BICD2: variants seen among roughly 807,000 people sequenced by gnomAD.
The protein encoded by BICD2 is BICD cargo adaptor 2, also known as protein bicaudal D homolog 2.
In BICD2, 25 loss-of-function variants were observed where a neutral mutation model predicts 72.9. That is an observed-to-expected ratio of 0.34 (90% confidence interval 0.25 to 0.48). BICD2 has a LOEUF of 0.48. BICD2 is among the 20% of genes least tolerant of loss of function. The pLI is 0.99. For missense variants in BICD2, 894 were observed against 1,175.2 expected (o/e 0.76, Z 3.50); for synonymous variants, 501 against 516.1 (o/e 0.97, Z 0.40).
Position 92,720,829 on chromosome 9 carries a change from C to G in BICD2, c.607-74G>C. ...TTTCAGGCCCCATAAATGAAGAAAA[C>G]ACACCAGCACACCAACTCCGGCCAC... On this transcript the variant is annotated intron_variant, in intron 3 of 6. Transcript: ENST00000356884. The surrounding 1 kb of genome is among the most constrained non-coding windows in gnomAD (Gnocchi z 5.4). 1 of 1,423,280 alleles carries G rather than the reference C, an allele frequency of 7.0e-7. No homozygotes were observed. The highest frequency in any genetic ancestry group is 1.4e-5 in the African/African-American group (1 of 70,180). 88.2% of individuals were successfully genotyped at this position (1,423,280 alleles called of 1,614,324 possible).
intron 1 of BICD2, among the ~76,000 whole-genome samples, chr9:92,742,833 C>T (rs1424500095): frequency 1.3e-5 from 2 of 152,182 alleles, no homozygotes; most frequent in Non-Finnish European, 2.9e-5. Flanking sequence ...TGTGACTGGC[C>T]TCTTCACTAA....
Position 92,720,498 on chromosome 9 carries a change from A to T in BICD2, c.864T>A (p.Asp288Glu), listed in dbSNP as rs1213166404. Residue 288 changes from aspartate to glutamate, a missense_variant, in exon 4 of 7, where the codon GAT becomes GAA. By Grantham distance (45) the Asp-to-Glu change is conservative. Transcript: ENST00000356884. The surrounding 1 kb of genome is among the most constrained non-coding windows in gnomAD (Gnocchi z 5.4). ...CGGCATCGTTGTTGGGCTCGGCAGCATCGTCACTGAACTTGAGGCCATCCA... is the reference window on the plus strand; with the variant it reads ...CGGCATCGTTGTTGGGCTCGGCAGCTTCGTCACTGAACTTGAGGCCATCCA... ...VSLDGLKFSD[D>E]AAEPNNDAEA... 6.2e-7 allele frequency: 1 copy of T among 1,614,212 alleles called. No homozygotes were observed. The highest frequency in any genetic ancestry group is 1.7e-5 in the Admixed American group (1 of 60,026).
intron 1 of BICD2, among the ~76,000 whole-genome samples, chr9:92,750,971 C>T (rs899216653): frequency 6.6e-6 from 1 of 151,758 alleles, no homozygotes; most frequent in African/African-American, 2.4e-5. Context: ...AGTGCAGTGG[C>T]GAGATCTCAG....
At chr9:92,749,004 G>T (rs558915289) in intron 1 of BICD2, among the ~76,000 whole-genome samples, 2 of 152,228 alleles carry the variant, frequency 1.3e-5, no homozygotes, top group East Asian at 3.9e-4. Context: ...GGGGTAACAG[G>T]AGAGGGGGCA....
At position 92,712,540 on chromosome 9, in the gene BICD2, G is replaced by C. The variant is rs1853214600; in HGVS notation, c.*2614C>G. 1 of 152,498 alleles carries C rather than the reference G, an allele frequency of 6.6e-6. No homozygotes were observed. Among genetic ancestry groups the C allele is most frequent in the Non-Finnish European group, 1.5e-5 (1 of 68,032 alleles). The allele number at this position is 152,498 out of a possible 1,614,324, so 9.4% of individuals were successfully genotyped here. A position where few individuals can be genotyped will look rare whatever the true frequency, so the allele number is the denominator to read the frequency against. Reference sequence around the variant, plus strand: ...GTACCACAATTTGGCACAACAACCAGAGTAACAAAACAATTCCAATTTGGA... The same window carrying C: ...GTACCACAATTTGGCACAACAACCACAGTAACAAAACAATTCCAATTTGGA... On this transcript the variant is annotated 3_prime_UTR_variant, in exon 7 of 7. Transcript: ENST00000356884.
intron 1 of BICD2, among the ~76,000 whole-genome samples, chr9:92,744,738 G>A (rs1202909610): frequency 6.6e-6 from 1 of 152,106 alleles, no homozygotes; most frequent in African/African-American, 2.4e-5. Context: ...CTACTCAGGA[G>A]GCTGAGGCAG....
At chr9:92,739,681 C>A (rs1853859944) in intron 1 of BICD2, among the ~76,000 whole-genome samples, 1 of 152,234 alleles carries the variant, frequency 6.6e-6, no homozygotes, top group Admixed American at 6.5e-5. Context: ...ACCTCCTTCA[C>A]AATCATGCGG....
chr9:92,748,821 C>T (rs1221803181), intron 1 of BICD2, among the ~76,000 whole-genome samples: 1 of 152,184 alleles, frequency 6.6e-6, no homozygotes, highest in African/African-American at 2.4e-5. Flanking sequence ...TGTCTTCACA[C>T]AAGCCCTGCA....
chr9:92,756,738 A>T (rs1854266309), intron 1 of BICD2, among the ~76,000 whole-genome samples: 1 of 151,606 alleles, frequency 6.6e-6, no homozygotes, highest in Admixed American at 6.6e-5. Context: ...GTGGTGGTGC[A>T]CGCCTGTAAT....
chr9:92,724,182 C>T (rs535833641), intron 2 of BICD2, among the ~76,000 whole-genome samples: 1 of 152,324 alleles, frequency 6.6e-6, no homozygotes, highest in East Asian at 1.9e-4. Context: ...GTCCATCTTG[C>T]GGGCCCCATA....
At chr9:92,742,433 G>A (rs891886114) in intron 1 of BICD2, among the ~76,000 whole-genome samples, 2 of 147,636 alleles carry the variant, frequency 1.4e-5, no homozygotes, top group Admixed American at 1.4e-4. Flanking sequence ...TGCCCAGCCT[G>A]GAGTGCAGTG....
chr9:92,713,451 C>T lies in BICD2; in HGVS notation c.*1703G>A, dbSNP rs752531250. On this transcript the variant is annotated 3_prime_UTR_variant, in exon 7 of 7. Coordinates refer to ENST00000356884, the MANE Select transcript of BICD2 (RefSeq NM_001003800.2). The stretch of plus-strand genomic sequence containing the variant: ...CCGGGTGGCCAAGTCCTCCTGGCAG[C>T]TACTCTACAGCTGAAAACGGGAGAA... 5 of 1,590,228 alleles carry T rather than the reference C, an allele frequency of 3.1e-6. No homozygotes were observed. Among genetic ancestry groups the T allele is most frequent in the Non-Finnish European group, 8.6e-7 (1 of 1,167,472 alleles).
intron 1 of BICD2, among the ~76,000 whole-genome samples, chr9:92,741,330 C>T (rs1853893410): frequency 6.6e-6 from 1 of 152,184 alleles, no homozygotes; most frequent in East Asian, 1.9e-4. Flanking sequence ...ATCAGAAGAC[C>T]TTGCCCAGGA....
intron 1 of BICD2, among the ~76,000 whole-genome samples, chr9:92,753,351 G>T (rs578256457): frequency 2.6e-4 from 40 of 152,232 alleles, no homozygotes; most frequent in Non-Finnish European, 8.8e-5. Flanking sequence ...TCATAATAAT[G>T]CCATGATATT....
intron 1 of BICD2, among the ~76,000 whole-genome samples, chr9:92,741,294 A>G (rs1853892702): frequency 6.6e-6 from 1 of 152,194 alleles, no homozygotes; most frequent in Non-Finnish European, 1.5e-5. Context: ...AGAAGTAACC[A>G]TTTACCTTAA....
intron 2 of BICD2, among the ~76,000 whole-genome samples, chr9:92,725,365 T>C (rs1388108999): frequency 6.6e-6 from 1 of 152,226 alleles, no homozygotes; most frequent in Non-Finnish European, 1.5e-5. Context: ...GCTGATGCTG[T>C]AGTAGGACGC....
chr9:92,754,237 C>G (rs963065592), intron 1 of BICD2, among the ~76,000 whole-genome samples: 40 of 151,698 alleles, frequency 2.6e-4, no homozygotes, highest in African/African-American at 9.7e-4. Context: ...GATGTCACGG[C>G]TGGCAACTCA....
At chr9:92,747,792 G>C (rs922430972) in intron 1 of BICD2, among the ~76,000 whole-genome samples, 1 of 152,208 alleles carries the variant, frequency 6.6e-6, no homozygotes, top group Non-Finnish European at 1.5e-5. Context: ...CCTCCTTGGT[G>C]AGTGCAGGAA....
chr9:92,727,484 T>C (rs947268496), intron 2 of BICD2, among the ~76,000 whole-genome samples: 11 of 152,094 alleles, frequency 7.2e-5, no homozygotes, highest in African/African-American at 2.7e-4. Context: ...GCCCCAAGGC[T>C]CAGTGAAAGG....
Sources: gnomAD v4.1 joint callset for allele counts (sites outside exome capture counted in the v4.1 genomes callset) on GRCh38, gnomAD v4.1.1 for gene constraint, Gnocchi (gnomAD v3.1) non-coding constraint, MANE v1.5 for transcripts, NCBI Gene and HGNC (gene_info 2026-07-23, HGNC 2026-07-21) for gene names.